Variants in SLC25A21 observed in about 807,000 individuals in gnomAD.
The protein encoded by SLC25A21 is mitochondrial 2-oxodicarboxylate carrier.
Under a neutral mutation model 43.8 loss-of-function variants are expected in SLC25A21, and 47 were observed. The ratio of observed to expected loss-of-function variants is 1.07; its 90% CI spans 0.85 to 1.37. SLC25A21 has a LOEUF of 1.37. SLC25A21 is among the 40% of genes most tolerant of loss of function. The pLI, the probability that SLC25A21 is intolerant of heterozygous loss-of-function variation, is 0.00. For synonymous variants in SLC25A21, 131 were observed against 121.3 expected (o/e 1.08, Z -0.52); for missense variants, 352 against 350.2 (o/e 1.00, Z -0.04).
rs7156912 is a variant in SLC25A21, at chr14:36,814,549, G to C, written c.120-548C>G. Among the ~76,000 whole-genome samples the C allele has an allele frequency of 8.1e-3, 1,225 of 152,110 alleles. 12 individuals are homozygous for C. The highest frequency in any genetic ancestry group is 0.028 in the African/African-American group (1,170 of 41,482). ...ACTTCTCAAAAGAAGACATTTAAGC[G>C]GCCAACAAACATGAAAAAATCCTCA... is the stretch of plus-strand genomic sequence containing the variant. On this transcript the variant is annotated intron_variant, in intron 2 of 9. Coordinates refer to ENST00000331299, the MANE Select transcript of SLC25A21 (RefSeq NM_030631.4).
At chr14:36,863,502 A>T (rs1208167132) in intron 2 of SLC25A21, among the ~76,000 whole-genome samples, 1 of 152,196 alleles carries the variant, frequency 6.6e-6, no homozygotes, top group East Asian at 1.9e-4. Context: ...TTTTAAAAAG[A>T]ATCCCATTTA....
chr14:36,911,477 C>T (rs1891684818), intron 1 of SLC25A21, among the ~76,000 whole-genome samples: 2 of 152,148 alleles, frequency 1.3e-5, no homozygotes, highest in African/African-American at 4.8e-5. Flanking sequence ...TGCACTGACT[C>T]CAGGCTTGGC....
chr14:37,042,257 C>T (rs571682009), intron 1 of SLC25A21, among the ~76,000 whole-genome samples: 2 of 152,302 alleles, frequency 1.3e-5, no homozygotes, highest in South Asian at 4.1e-4. Context: ...AGCAAACTTT[C>T]TATTTGGACT....
At chr14:37,086,982 G>A (rs1962498280) in intron 1 of SLC25A21, among the ~76,000 whole-genome samples, 1 of 152,144 alleles carries the variant, frequency 6.6e-6, no homozygotes, top group Non-Finnish European at 1.5e-5. Context: ...CTTTGTGAGG[G>A]TAAAATTTGT....
chr14:36,926,447 G>A (rs1892134725), intron 1 of SLC25A21, among the ~76,000 whole-genome samples: 1 of 151,988 alleles, frequency 6.6e-6, no homozygotes, highest in Non-Finnish European at 1.5e-5. Flanking sequence ...AGACAACAGA[G>A]GAAAAAGACC....
chr14:37,115,282 C>T (rs965464535), intron 1 of SLC25A21, among the ~76,000 whole-genome samples: 1 of 152,284 alleles, frequency 6.6e-6, no homozygotes. Flanking sequence ...AGAATTGATG[C>T]TACGGAGTAT....
intron 1 of SLC25A21, among the ~76,000 whole-genome samples, chr14:36,903,362 A>G (rs1891445727): frequency 6.6e-6 from 1 of 152,094 alleles, no homozygotes; most frequent in Non-Finnish European, 1.5e-5. Flanking sequence ...TTAAAAATAA[A>G]TTGCTTTGGG....
intron 1 of SLC25A21, among the ~76,000 whole-genome samples, chr14:37,011,190 C>T (rs1022016463): frequency 4.6e-5 from 7 of 151,866 alleles, no homozygotes; most frequent in African/African-American, 1.7e-4. Flanking sequence ...CCCAGCCTGA[C>T]ATTTTAAATT....
intron 1 of SLC25A21, among the ~76,000 whole-genome samples, chr14:37,136,891 G>A (rs1199541662): frequency 6.6e-6 from 1 of 152,162 alleles, no homozygotes; most frequent in African/African-American, 2.4e-5. Flanking sequence ...GTGATTGTAG[G>A]GGATATAGGG....
intron 1 of SLC25A21, chr14:37,098,208 G>A (rs1278136454): frequency 6.6e-6 from 1 of 152,204 alleles, no homozygotes. Context: ...TTCATCTAAT[G>A]TCTTTCTCTA....
chr14:37,121,231 C>T (rs1377251203), intron 1 of SLC25A21, among the ~76,000 whole-genome samples: 1 of 152,162 alleles, frequency 6.6e-6, no homozygotes, highest in African/African-American at 2.4e-5. Flanking sequence ...TTTCATGCTA[C>T]CTTATTAGAA....
intron 4 of SLC25A21, among the ~76,000 whole-genome samples, chr14:36,732,001 T>G (rs1301879863): frequency 6.6e-6 from 1 of 151,992 alleles, no homozygotes; most frequent in Non-Finnish European, 1.5e-5. Context: ...TCTCAGGCAT[T>G]TCCAGCCTTC....
intron 2 of SLC25A21, among the ~76,000 whole-genome samples, chr14:36,837,376 G>A (rs867317784): frequency 2.0e-5 from 3 of 151,992 alleles, no homozygotes; most frequent in Admixed American, 1.3e-4. Context: ...GAGGAAGTGC[G>A]GCACACACAC....
At chr14:37,131,905 C>T (rs991310864) in intron 1 of SLC25A21, among the ~76,000 whole-genome samples, 1 of 152,172 alleles carries the variant, frequency 6.6e-6, no homozygotes, top group African/African-American at 2.4e-5. Context: ...AACTCCTGTG[C>T]TTGGGTGATC....
intron 1 of SLC25A21, among the ~76,000 whole-genome samples, chr14:36,969,682 G>C (rs1014746670): frequency 4.6e-5 from 7 of 152,056 alleles, no homozygotes; most frequent in African/African-American, 1.7e-4. Context: ...TATGGAGATG[G>C]GGTCTCGGTA....
chr14:36,985,590 G>A (rs1960128931), intron 1 of SLC25A21, among the ~76,000 whole-genome samples: 2 of 151,970 alleles, frequency 1.3e-5, no homozygotes, highest in Non-Finnish European at 1.5e-5. Context: ...CTTTCTTTAC[G>A]ATTAGATTCA....
chr14:36,796,178 A>G (rs571964009), intron 3 of SLC25A21, among the ~76,000 whole-genome samples: 2 of 152,294 alleles, frequency 1.3e-5, no homozygotes, highest in African/African-American at 2.4e-5. Context: ...CATAGATAAC[A>G]TAATTGACAA....
At position 37,134,388 on chromosome 14, in the gene SLC25A21, A is replaced by G. The variant is rs559138969; in HGVS notation, c.70+37893T>C. Among the ~76,000 whole-genome samples the G allele has an allele frequency of 5.9e-5, 9 of 152,348 alleles. No individual in the cohort carries two copies. The East Asian group carries it at 1.5e-3, about 26-fold the overall frequency. On this transcript the variant is annotated intron_variant, in intron 1 of 9. Coordinates refer to ENST00000331299, the MANE Select transcript of SLC25A21 (RefSeq NM_030631.4). ...GTAAAATAATTATCCTTACGTCCTC[A>G]ATGGCAGAGTTATTACTAGAAATCA...
At position 37,172,132 on chromosome 14, in the gene SLC25A21, C is replaced by T. The variant is rs982399938; in HGVS notation, c.70+149G>A. ...ACTCCCGGCCTCCTCTGCTCTCGCG[C>T]CTCTAGGGGCTCAAGCACTGCTCCG... On this transcript the variant is annotated intron_variant, in intron 1 of 9. Coordinates refer to ENST00000331299, the MANE Select transcript of SLC25A21 (RefSeq NM_030631.4). The T allele has an allele frequency of 1.2e-4, 97 of 814,526 alleles. 1 individual carries two copies. The highest frequency in any genetic ancestry group is 1.7e-4 in the Non-Finnish European group (91 of 523,602). The allele number at this position is 814,526 out of a possible 1,614,324, so 50.5% of individuals were successfully genotyped here. A position where few individuals can be genotyped will look rare whatever the true frequency, so the allele number is the denominator to read the frequency against.
Sources: gnomAD v4.1 joint callset for allele counts (sites outside exome capture counted in the v4.1 genomes callset) on GRCh38, gnomAD v4.1.1 for gene constraint, MANE v1.5 for transcripts, NCBI Gene and HGNC (gene_info 2026-07-23, HGNC 2026-07-21) for gene names.